The following TCF20 variants were observed in gnomAD, a reference collection of about 807,000 sequenced individuals.
The protein encoded by TCF20 is SPRE-binding protein.
In TCF20, 3 loss-of-function variants were observed where a neutral mutation model predicts 148.6. The observed-to-expected ratio is 0.02, with a 90% confidence interval of 0.01 to 0.05. TCF20 has a LOEUF of 0.05. Among genes scored for constraint, TCF20 ranks in the 10% least tolerant of loss-of-function variants. TCF20 has a pLI of 1.00. For missense variants in TCF20, 2,350 were observed against 2,429.3 expected (o/e 0.97, Z 0.69); for synonymous variants, 1,049 against 909.5 (o/e 1.15, Z -2.76).
At chr22:42,289,011 G>A (rs1208588365) in intron 1 of TCF20, among the ~76,000 whole-genome samples, 1 of 152,182 alleles carries the variant, frequency 6.6e-6, no homozygotes, top group East Asian at 1.9e-4. Flanking sequence ...GGAAGATCAG[G>A]AGGCTCCTTT....
At chr22:42,170,534 A>C (rs374936095) in intron 3 of TCF20, among the ~76,000 whole-genome samples, 1 of 146,752 alleles carries the variant, frequency 6.8e-6, no homozygotes, top group Non-Finnish European at 1.5e-5. Context: ...AGGCTGAGGC[A>C]GGAGAATCAC....
intron 1 of TCF20, among the ~76,000 whole-genome samples, chr22:42,231,439 G>A (rs779904627): frequency 1.3e-5 from 2 of 152,114 alleles, no homozygotes; most frequent in Non-Finnish European, 2.9e-5. Flanking sequence ...CTATGACTGT[G>A]CCACTGCACT....
intron 1 of TCF20, among the ~76,000 whole-genome samples, chr22:42,329,249 C>G (rs1356189133): frequency 1.3e-5 from 2 of 152,184 alleles, no homozygotes; most frequent in Non-Finnish European, 1.5e-5. Flanking sequence ...GCAGCAAGGC[C>G]ATAAACCATC....
chr22:42,250,974 C>T (rs1286686512), intron 1 of TCF20, among the ~76,000 whole-genome samples: 1 of 152,090 alleles, frequency 6.6e-6, no homozygotes, highest in Non-Finnish European at 1.5e-5. Flanking sequence ...AGTCGCTCAC[C>T]GTCTCGAGGA....
intron 1 of TCF20, among the ~76,000 whole-genome samples, chr22:42,253,990 C>T (rs1318050043): frequency 6.6e-6 from 1 of 150,480 alleles, no homozygotes; most frequent in African/African-American, 2.5e-5. Context: ...GCAGGAAAAT[C>T]GCTTGAACCC....
At chr22:42,198,993 A>C (rs1345447300) in intron 2 of TCF20, among the ~76,000 whole-genome samples, 1 of 152,060 alleles carries the variant, frequency 6.6e-6, no homozygotes, top group East Asian at 1.9e-4. Flanking sequence ...TCTGCTGTTG[A>C]TTGAATCTAA....
chr22:42,178,350 A>G (rs1417579886), intron 3 of TCF20, among the ~76,000 whole-genome samples: 3 of 152,160 alleles, frequency 2.0e-5, no homozygotes, highest in Non-Finnish European at 4.4e-5. Flanking sequence ...AGGTCATAAC[A>G]CAGGGCTTGA....
chr22:42,192,845 T>G (rs1937404583), intron 2 of TCF20, among the ~76,000 whole-genome samples: 1 of 152,208 alleles, frequency 6.6e-6, no homozygotes, highest in Non-Finnish European at 1.5e-5. Context: ...GAATGGAAAC[T>G]TTGGCACCCA....
intron 2 of TCF20, among the ~76,000 whole-genome samples, chr22:42,187,784 T>C (rs1937117331): frequency 6.6e-6 from 1 of 152,222 alleles, no homozygotes; most frequent in African/African-American, 2.4e-5. Context: ...GTACTTCATC[T>C]ACCAAACAGA....
At chr22:42,206,025 C>T (rs1392411512) in intron 2 of TCF20, among the ~76,000 whole-genome samples, 6 of 152,140 alleles carry the variant, frequency 3.9e-5, no homozygotes, top group African/African-American at 9.7e-5. Context: ...CTGCCCACCT[C>T]GGCCTCCCAA....
chr22:42,251,520 T>TTTTTTTTTTG lies in TCF20; in HGVS notation c.-37+18818_-37+18819insCAAAAAAAAA, dbSNP rs1555947166. ...TTTTTTTTTTTTTTTTTTTTTTTTT[T>TTTTTTTTTTG]GAGACAGAATCTCACTCTGTCACCC... On this transcript the variant is annotated intron_variant, in intron 1 of 5. Transcript: ENST00000677622. Among the ~76,000 whole-genome samples the TTTTTTTTTTG allele has an allele frequency of 1.1e-4, 13 of 115,714 alleles. 1 individual carries two copies. Among genetic ancestry groups the TTTTTTTTTTG allele is most frequent in the African/African-American group, 4.4e-4 (13 of 29,602 alleles). The allele number at this position is 115,714 out of a possible 152,430, so 75.9% of individuals were successfully genotyped here.
At chr22:42,270,202 G>A (rs1468494946) in intron 1 of TCF20, among the ~76,000 whole-genome samples, 137 bp downstream of exon 1, 1 of 151,834 alleles carries the variant, frequency 6.6e-6, no homozygotes, top group African/African-American at 2.4e-5. Flanking sequence ...CTGACTCGGA[G>A]TCCAGGAGGC....
At chr22:42,255,390 A>G (rs189255386) in intron 1 of TCF20, among the ~76,000 whole-genome samples, 7 of 152,064 alleles carry the variant, frequency 4.6e-5, no homozygotes, top group African/African-American at 1.2e-4. Flanking sequence ...TTGGGAGGCT[A>G]AGGCAGGGGC....
chr22:42,173,255 A>AAAC (rs1192391869), intron 3 of TCF20, among the ~76,000 whole-genome samples: 1 of 151,998 alleles, frequency 6.6e-6, no homozygotes, highest in Non-Finnish European at 1.5e-5. Flanking sequence ...AAAAAAAAAA[A>AAAC]AAACAGAGCT....
chr22:42,305,896 G>C (rs1426990405), intron 1 of TCF20, among the ~76,000 whole-genome samples: 1 of 152,124 alleles, frequency 6.6e-6, no homozygotes, highest in East Asian at 1.9e-4. Context: ...TCAGGAGGGA[G>C]GCACTGGCAG....
intron 1 of TCF20, among the ~76,000 whole-genome samples, chr22:42,239,735 C>T (rs1924226914): frequency 6.6e-6 from 1 of 152,048 alleles, no homozygotes; most frequent in African/African-American, 2.4e-5. Context: ...TGTAGTGAGC[C>T]GAGATGGCGC....
At chr22:42,193,369 TTG>T (rs1937437328) in intron 2 of TCF20, among the ~76,000 whole-genome samples, 1 of 151,148 alleles carries the variant, frequency 6.6e-6, no homozygotes, top group Admixed American at 6.6e-5. Context: ...TGAGCTTTGA[TTG>T]TGCCACTGTA....
intron 1 of TCF20, among the ~76,000 whole-genome samples, chr22:42,336,258 C>A (rs1198276565): frequency 1.3e-5 from 2 of 152,118 alleles, no homozygotes; most frequent in African/African-American, 4.8e-5. Context: ...GCTGGACTGA[C>A]CTGGCATGGC....
intron 5 of TCF20, among the ~76,000 whole-genome samples, chr22:42,162,809 G>A (rs553995945): frequency 4.6e-5 from 7 of 152,254 alleles, no homozygotes; most frequent in Admixed American, 2.0e-4. Flanking sequence ...TGGGGCCTGC[G>A]GGAGCTAAGA....
Sources: gnomAD v4.1 joint callset for allele counts (sites outside exome capture counted in the v4.1 genomes callset) on GRCh38, gnomAD v4.1.1 for gene constraint, MANE v1.5 for transcripts, NCBI Gene and HGNC (gene_info 2026-07-23, HGNC 2026-07-21) for gene names.